The following ASPG variants were observed in gnomAD, a reference collection of about 807,000 sequenced individuals.
ASPG encodes asparaginase, also known as 60 kDa lysophospholipase.
ASPG carries 53 observed loss-of-function variants against 63.2 expected under a neutral mutation model. The ratio of observed to expected loss-of-function variants is 0.84; its 90% confidence interval spans 0.67 to 1.05. The LOEUF (loss-of-function observed/expected upper bound fraction) is 1.05. Ranked by LOEUF, ASPG falls within the 50% of genes least tolerant of loss-of-function variation. ASPG has a pLI of 0.00. For synonymous variants in ASPG, 370 were observed against 355.0 expected (o/e 1.04, Z -0.48); for missense variants, 741 against 794.4 (o/e 0.93, Z 0.81).
chr14:104,085,911 G>A, intron 1 of ASPG, 59 bp downstream of exon 1: 1 of 1,486,684 alleles, frequency 6.7e-7, no homozygotes, highest in East Asian at 2.6e-5. Flanking sequence ...CGGGAGCCTC[G>A]GACCCTCCTG....
Position 104,085,791 on chromosome 14 carries a change from C to G in ASPG, c.21C>G (p.Pro7=). The part of the protein sequence containing the change: MARAVG[P]ERRLLAVYTG... ...CCGGCATGGCGCGCGCGGTGGGGCCCGAGCGGAGGCTGCTGGCCGTCTACA... is the reference window on the plus strand; with the variant it reads ...CCGGCATGGCGCGCGCGGTGGGGCCGGAGCGGAGGCTGCTGGCCGTCTACA... Residue 7 remains proline, a synonymous_variant, in exon 1 of 16, where the codon CCC becomes CCG. Transcript: ENST00000551177. 6.3e-7 allele frequency: 1 copy of G among 1,588,252 alleles called. No homozygotes were observed. The highest frequency in any genetic ancestry group is 8.5e-7 in the Non-Finnish European group (1 of 1,173,846).
At chr14:104,108,327 C>G in intron 12 of ASPG, 11 of 870,994 alleles carry the variant, frequency 1.3e-5, no homozygotes, top group Non-Finnish European at 1.5e-5. Flanking sequence ...ACTGGGCGTC[C>G]TTGGGTGTGG....
At chr14:104,088,233 G>T (rs2036271564) in intron 1 of ASPG, among the ~76,000 whole-genome samples, 1 of 152,200 alleles carries the variant, frequency 6.6e-6, no homozygotes, top group South Asian at 2.1e-4. Flanking sequence ...CTGTTTGATT[G>T]TCGCTGTTGG....
rs1230548053 is a variant in ASPG, at chr14:104,109,026, G to A, written c.1434-203G>A. 1 of 985,290 alleles carries A rather than the reference G, an allele frequency of 1.0e-6. No individual in the cohort carries two copies. The highest frequency in any genetic ancestry group is 1.2e-6 in the Non-Finnish European group (1 of 829,932). 61.0% of individuals were successfully genotyped at this position (985,290 alleles called of 1,614,324 possible). A position where few individuals can be genotyped will look rare whatever the true frequency, so the allele number is the denominator to read the frequency against. ...TAAGAAGGAGTACTGGACAAATGGA[G>A]GTGGTGGGATCCCGGGATGATGTCA... On this transcript the variant is annotated intron_variant, in intron 12 of 15. Coordinates refer to ENST00000551177, the MANE Select transcript of ASPG (RefSeq NM_001080464.3). The surrounding 1 kb of genome is among the most constrained non-coding windows in gnomAD (Gnocchi z 4.8).
Position 104,110,878 on chromosome 14 carries a change from G to C in ASPG, c.1521-624G>C, listed in dbSNP as rs1402022917. 1.0e-6 allele frequency: 1 copy of C among 985,288 alleles called. No homozygotes were observed. The highest frequency in any genetic ancestry group is 1.7e-5 in the African/African-American group (1 of 57,222). The allele number at this position is 985,288 out of a possible 1,614,324, so 61.0% of individuals were successfully genotyped here. ...GGTGGCAGGGTGAGGAGGAGCTGGT[G>C]AGGGCCTGGCAGGTGCTCCCCACTC... is the stretch of plus-strand genomic sequence containing the variant. On this transcript the variant is annotated intron_variant, in intron 13 of 15. Transcript: ENST00000551177. The surrounding 1 kb of genome is among the most constrained non-coding windows in gnomAD (Gnocchi z 4.7).
intron 9 of ASPG, 40 bp downstream of exon 9, chr14:104,104,775 A>C: frequency 6.6e-7 from 1 of 1,518,414 alleles, no homozygotes; most frequent in Non-Finnish European, 9.0e-7. Context: ...CTCGGTGTGC[A>C]CAAGCATGTC....
rs921008979 is a variant in ASPG, at chr14:104,091,519, G to T, written c.83-1114G>T. Among the ~76,000 whole-genome samples the T allele has an allele frequency of 6.6e-6, 1 of 152,258 alleles. No individual in the cohort carries two copies. The highest frequency in any genetic ancestry group is 1.9e-4 in the East Asian group (1 of 5,170). Reference sequence around the variant, plus strand: ...GGGGCTCCACAGGCCTTTGTGTAAGGCCAGAGGAGGATCACGGGTGCCATA... The same window carrying T: ...GGGGCTCCACAGGCCTTTGTGTAAGTCCAGAGGAGGATCACGGGTGCCATA... On this transcript the variant is annotated intron_variant, in intron 1 of 15. Transcript: ENST00000551177. The surrounding 1 kb of genome is among the most constrained non-coding windows in gnomAD (Gnocchi z 6.4).
chr14:104,113,732 C>T lies in ASPG; in HGVS notation c.*1188C>T, dbSNP rs371681116. ...TGGTTCCCAAGCCTGGCTGGTACTGCCGCTGGCATCCTTGCTGTCCTCACC... is the reference window on the plus strand; with the variant it reads ...TGGTTCCCAAGCCTGGCTGGTACTGTCGCTGGCATCCTTGCTGTCCTCACC... On this transcript the variant is annotated 3_prime_UTR_variant, in exon 16 of 16. Transcript: ENST00000551177. 2.0e-5 allele frequency: 3 copies of T among 152,506 alleles called. No individual in the cohort carries two copies. The highest frequency in any genetic ancestry group is 7.2e-5 in the African/African-American group (3 of 41,604). 9.4% of individuals were successfully genotyped at this position (152,506 alleles called of 1,614,324 possible). A position where few individuals can be genotyped will look rare whatever the true frequency, so the allele number is the denominator to read the frequency against.
Position 104,109,175 on chromosome 14 carries a change from G to GC in ASPG, c.1434-53dup, listed in dbSNP as rs941702772. On this transcript the variant is annotated intron_variant, in intron 12 of 15. Transcript: ENST00000551177. The surrounding 1 kb of genome is among the most constrained non-coding windows in gnomAD (Gnocchi z 4.8). Reference sequence around the variant, plus strand: ...AGCTCTGCTGGCTCCTGAGTGAGGTGCAGCGGGGCTGGGCTGGCCAGGGCA... The same window carrying GC: ...AGCTCTGCTGGCTCCTGAGTGAGGTGCCAGCGGGGCTGGGCTGGCCAGGGCA... 11 of 1,596,744 alleles carry GC rather than the reference G, an allele frequency of 6.9e-6. No homozygotes were observed. The highest frequency in any genetic ancestry group is 9.4e-6 in the Non-Finnish European group (11 of 1,172,414).
chr14:104,097,497 G>C, intron 4 of ASPG, 57 bp from the exon 5 acceptor site: 1 of 1,500,586 alleles, frequency 6.7e-7, no homozygotes, highest in Non-Finnish European at 9.0e-7. Flanking sequence ...AGATGAGCCA[G>C]ACATCCCAGG....
At chr14:104,111,427 TG>T in intron 13 of ASPG, 74 bp from the exon 14 acceptor site, 2 of 1,335,280 alleles carry the variant, frequency 1.5e-6, no homozygotes, top group Non-Finnish European at 2.1e-6. Flanking sequence ...CCAGGCCACC[TG>T]GGGGACAGGC....
Position 104,111,544 on chromosome 14 carries a change from G to A in ASPG, c.1563G>A (p.Trp521Ter). The change falls in exon 14 of 16, where the codon TGG (tryptophan) becomes TGA (stop). Residue 521 changes from tryptophan to a stop codon, truncating the protein, a stop_gained. Transcript: ENST00000551177. LOFTEE classifies it high-confidence loss of function. ...ACCTCGAAGGCCTGCAGGTGTGGTG[G>A]CAGGCAGGGGCTGACCTGGGGCAGC... Reference protein sequence around the residue: ...RADLEGLQVWWQAGADLGQPG... With the variant: ...RADLEGLQVW 1 of 1,552,122 alleles carries A rather than the reference G, an allele frequency of 6.4e-7. No individual in the cohort carries two copies. The highest frequency in any genetic ancestry group is 8.7e-7 in the Non-Finnish European group (1 of 1,147,848).
intron 10 of ASPG, 30 bp from the exon 11 acceptor site, chr14:104,106,769 G>A: frequency 1.9e-6 from 3 of 1,548,148 alleles, no homozygotes; most frequent in Non-Finnish European, 2.6e-6. Flanking sequence ...AGGGAGGCGT[G>A]GGTCCCAGGG....
At chr14:104,098,072 TTTG>T (rs2141007724) in intron 5 of ASPG, among the ~76,000 whole-genome samples, 2 of 97,984 alleles carry the variant, frequency 2.0e-5, no homozygotes, top group African/African-American at 3.4e-5. Flanking sequence ...GTATGGAGGT[TTTG>T]CGTTAGAGAT....
chr14:104,097,956 G>A (rs796324149), intron 5 of ASPG, among the ~76,000 whole-genome samples: 712 of 30,000 alleles, frequency 0.024, 51 homozygotes, highest in African/African-American at 0.028. Context: ...TGTTAGAGAT[G>A]CGTATGGAGG....
intron 12 of ASPG, among the ~76,000 whole-genome samples, chr14:104,107,819 T>TG (rs1240236001): frequency 3.3e-5 from 5 of 152,298 alleles, no homozygotes; most frequent in East Asian, 1.9e-4. Context: ...TGCCCCTGCG[T>TG]GGGGGGCGGG....
chr14:104,101,796 G>A (rs1266735037), intron 6 of ASPG, among the ~76,000 whole-genome samples: 1 of 152,172 alleles, frequency 6.6e-6, no homozygotes, highest in African/African-American at 2.4e-5. Context: ...CAGCTGTGCC[G>A]CATCCAGCTT....
chr14:104,099,642 C>A (rs1360728711), intron 6 of ASPG, among the ~76,000 whole-genome samples: 3 of 152,242 alleles, frequency 2.0e-5, no homozygotes, highest in Non-Finnish European at 4.4e-5. Context: ...CTCTACCCGG[C>A]CCCTGCCTGT....
chr14:104,106,468 G>A (rs540593612), intron 10 of ASPG, among the ~76,000 whole-genome samples: 15 of 152,276 alleles, frequency 9.9e-5, no homozygotes, highest in South Asian at 2.1e-4. Flanking sequence ...TGACCATTCC[G>A]TCCCGACGGC....
Sources: allele counts gnomAD v4.1 joint callset (sites outside exome capture counted in the v4.1 genomes callset), GRCh38; gene constraint gnomAD v4.1.1; non-coding constraint Gnocchi (gnomAD v3.1); transcripts MANE v1.5; gene names NCBI Gene and HGNC (gene_info 2026-07-23, HGNC 2026-07-21).